Variants in LIN52 observed in about 807,000 individuals in gnomAD.
The protein encoded by LIN52 is lin-52 DREAM MuvB core complex component, also known as protein lin-52 homolog.
In LIN52, 4 loss-of-function variants were observed where a neutral mutation model predicts 18.5. The observed-to-expected ratio is 0.22, with a 90% CI of 0.11 to 0.49. The LOEUF (loss-of-function observed/expected upper bound fraction) is 0.49. Ranked by LOEUF, LIN52 falls within the 20% of genes least tolerant of loss-of-function variation. LIN52 has a pLI of 0.97. For synonymous variants in LIN52, 34 were observed against 45.5 expected, an observed-to-expected ratio of 0.75 and a Z score of 1.02; for missense variants, 102 against 139.5, an observed-to-expected ratio of 0.73 and a Z score of 1.35.
In LIN52 at chr14:74,097,796, T is replaced by A; in HGVS notation, c.135T>A (p.Pro45=). ...VAEFAASFKS[P]ITSSPPKWMA... is the part of the protein sequence containing the mutation. ...ATGGATATATTATTTTTTGACAGCC[T>A]ATTACTAGTTCTCCACCCAAATGGA... The change falls in exon 4 of 6, where the codon CCT becomes CCA. Residue 45 remains proline (P), a splice_region_variant and synonymous_variant. Transcript: ENST00000555028. The A allele has an allele frequency of 6.2e-7, 1 of 1,606,300 alleles. No homozygotes were observed. Among genetic ancestry groups the A allele is most frequent in the South Asian group, 1.1e-5 (1 of 90,886 alleles).
chr14:74,198,137 G>A (rs186257513), intron 5 of LIN52, among the ~76,000 whole-genome samples: 1 of 152,330 alleles, frequency 6.6e-6, no homozygotes, highest in Admixed American at 6.5e-5. Context: ...GGAAGGGGCT[G>A]TTACACTACG....
chr14:74,111,544 C>A (rs1203223549), intron 5 of LIN52, among the ~76,000 whole-genome samples: 2 of 151,650 alleles, frequency 1.3e-5, no homozygotes, highest in Non-Finnish European at 2.9e-5. Flanking sequence ...TCAAGCAATC[C>A]TCCCGCCTCA....
chr14:74,184,369 C>A (rs2061332174), intron 5 of LIN52, among the ~76,000 whole-genome samples: 2 of 152,238 alleles, frequency 1.3e-5, no homozygotes, highest in Admixed American at 1.3e-4. Flanking sequence ...ACCCGGCCCC[C>A]ACATTTTAAG....
chr14:74,123,096 C>T (rs1566854498), intron 5 of LIN52, among the ~76,000 whole-genome samples: 1 of 152,158 alleles, frequency 6.6e-6, no homozygotes, highest in Non-Finnish European at 1.5e-5. Context: ...TGTTGTTACT[C>T]TTATGAGCAG....
chr14:74,188,043 T>C (rs2061348112), intron 5 of LIN52, among the ~76,000 whole-genome samples: 1 of 152,204 alleles, frequency 6.6e-6, no homozygotes, highest in Admixed American at 6.5e-5. Flanking sequence ...CAAAATAGTT[T>C]ATAGGGAAAT....
At chr14:74,091,994 A>G (rs965922483) in intron 2 of LIN52, among the ~76,000 whole-genome samples, 1 of 152,024 alleles carries the variant, frequency 6.6e-6, no homozygotes. Context: ...TTTTGTTTGA[A>G]CCAGAGTCTC....
chr14:74,110,130 A>C (rs1439626548), intron 5 of LIN52, among the ~76,000 whole-genome samples: 1 of 152,198 alleles, frequency 6.6e-6, no homozygotes, highest in Non-Finnish European at 1.5e-5. Context: ...AAAAGCTTTG[A>C]GGAATTTAGC....
At chr14:74,163,744 A>C (rs933739851) in intron 5 of LIN52, among the ~76,000 whole-genome samples, 2 of 152,214 alleles carry the variant, frequency 1.3e-5, no homozygotes, top group African/African-American at 4.8e-5. Flanking sequence ...AATAATACAA[A>C]GTGAGGAAAG....
intron 5 of LIN52, among the ~76,000 whole-genome samples, chr14:74,193,767 A>G (rs571480642): frequency 3.3e-5 from 5 of 152,172 alleles, no homozygotes; most frequent in East Asian, 1.9e-4. Context: ...CCCAGGGTCA[A>G]TGTAAGAGCT....
At chr14:74,154,151 G>A (rs1480329544) in intron 5 of LIN52, among the ~76,000 whole-genome samples, 1 of 151,426 alleles carries the variant, frequency 6.6e-6, no homozygotes, top group Non-Finnish European at 1.5e-5. Flanking sequence ...GTCCCATCTA[G>A]GATACTGTAT....
chr14:74,184,455 C>T (rs1209385222), intron 5 of LIN52, among the ~76,000 whole-genome samples: 6 of 152,170 alleles, frequency 3.9e-5, no homozygotes, highest in Non-Finnish European at 8.8e-5. Context: ...GCTGATAGAG[C>T]TAGATAATGG....
chr14:74,183,826 C>T (rs984791687), intron 5 of LIN52, among the ~76,000 whole-genome samples: 4 of 152,082 alleles, frequency 2.6e-5, no homozygotes, highest in Non-Finnish European at 5.9e-5. Flanking sequence ...AGAAGATCCC[C>T]CCTTTTTTGA....
chr14:74,114,142 G>A (rs1183029354), intron 5 of LIN52: 9 of 983,094 alleles, frequency 9.2e-6, no homozygotes, highest in Admixed American at 6.3e-5. Flanking sequence ...CACAGCGCCC[G>A]GCCAGAAATG....
intron 5 of LIN52, among the ~76,000 whole-genome samples, chr14:74,168,820 T>C (rs1215837651): frequency 6.6e-6 from 1 of 152,066 alleles, no homozygotes; most frequent in Non-Finnish European, 1.5e-5. Context: ...TCCCAAAACT[T>C]TGGGAGGCTG....
chr14:74,164,544 C>G (rs1338542233), intron 5 of LIN52, among the ~76,000 whole-genome samples: 1 of 152,146 alleles, frequency 6.6e-6, no homozygotes, highest in Non-Finnish European at 1.5e-5. Flanking sequence ...CTTCGGGCTC[C>G]CAAAGTGCTG....
intron 1 of LIN52, among the ~76,000 whole-genome samples, chr14:74,087,906 C>T (rs1288096052): frequency 6.6e-6 from 1 of 151,972 alleles, no homozygotes; most frequent in Non-Finnish European, 1.5e-5. Context: ...ATTGTACCCC[C>T]AATAATTTTT....
chr14:74,167,149 A>G (rs1447433824), intron 5 of LIN52, among the ~76,000 whole-genome samples: 3 of 150,856 alleles, frequency 2.0e-5, no homozygotes, highest in East Asian at 3.9e-4. Context: ...AGAAAGAAAA[A>G]CTAATTATCA....
At chr14:74,138,776 A>G (rs1425036383) in intron 5 of LIN52, among the ~76,000 whole-genome samples, 1 of 151,834 alleles carries the variant, frequency 6.6e-6, no homozygotes, top group Non-Finnish European at 1.5e-5. Context: ...CCTCAAAAAA[A>G]AAAAAAAAAG....
intron 5 of LIN52, among the ~76,000 whole-genome samples, chr14:74,109,803 A>G (rs975198997): frequency 1.3e-5 from 2 of 152,206 alleles, no homozygotes; most frequent in African/African-American, 4.8e-5. Flanking sequence ...TTGATCCTGT[A>G]TTCTGCAACT....
Sources: gnomAD v4.1 joint callset for allele counts (sites outside exome capture counted in the v4.1 genomes callset) on GRCh38, gnomAD v4.1.1 for gene constraint, MANE v1.5 for transcripts, NCBI Gene and HGNC (gene_info 2026-07-23, HGNC 2026-07-21) for gene names.